ANKMY1: variants seen among roughly 807,000 people sequenced by gnomAD.
ANKMY1 encodes the protein ankyrin repeat and MYND domain-containing protein 1.
ANKMY1 carries 98 observed loss-of-function variants against 102.0 expected under a neutral mutation model. The observed-to-expected ratio is 0.96, with a 90% CI of 0.82 to 1.14. ANKMY1 has a LOEUF of 1.14. Ranked by LOEUF, ANKMY1 falls within the 50% of genes most tolerant of loss-of-function variation. ANKMY1 has a pLI of 0.00. For missense variants in ANKMY1, 1,330 were observed against 1,347.6 expected (o/e 0.99, Z 0.20); for synonymous variants, 582 against 559.9 (o/e 1.04, Z -0.56).
rs532929027 is a variant in ANKMY1, at chr2:240,525,956, G to A, written c.1171-107C>T. 246 of 1,370,110 alleles carry A rather than the reference G, an allele frequency of 1.8e-4. No individual in the cohort carries two copies. In the African/African-American group the frequency reaches 2.8e-3, roughly 16 times the overall value. The allele number at this position is 1,370,110 out of a possible 1,614,324, so 84.9% of individuals were successfully genotyped here. A position where few individuals can be genotyped will look rare whatever the true frequency, so the allele number is the denominator to read the frequency against. On this transcript the variant is annotated intron_variant, in intron 6 of 17. Coordinates refer to ENST00000401804, the MANE Select transcript of ANKMY1 (RefSeq NM_001282771.3). The stretch of plus-strand genomic sequence containing the variant: ...CATGAGGCCACCCTATGGCAGGGCA[G>A]GAACCAGTGCTCATTCGGGAGCTTG...
Position 240,499,020 on chromosome 2 carries a change from G to A in ANKMY1, c.2806+938C>T, listed in dbSNP as rs1049929869. On this transcript the variant is annotated intron_variant, in intron 15 of 17. Transcript: ENST00000401804. The surrounding 1 kb of genome is among the most constrained non-coding windows in gnomAD (Gnocchi z 4.2). ...CCTCTTTTCTAATTACCCAGTCTCA[G>A]GTGTTCCTTTACAGCAACGCAAACG... 6.6e-6 allele frequency among the ~76,000 whole-genome samples: 1 copy of A among 152,188 alleles called. No homozygotes were observed. Among genetic ancestry groups the A allele is most frequent in the Non-Finnish European group, 1.5e-5 (1 of 68,036 alleles).
intron 15 of ANKMY1, among the ~76,000 whole-genome samples, chr2:240,495,127 G>A (rs1309272119): frequency 1.3e-5 from 2 of 152,176 alleles, no homozygotes; most frequent in Non-Finnish European, 2.9e-5. Context: ...GGCCACCAGA[G>A]GGCTCCTTGG....
intron 4 of ANKMY1, among the ~76,000 whole-genome samples, chr2:240,543,701 T>A (rs2089594645): frequency 6.6e-6 from 1 of 152,104 alleles, no homozygotes; most frequent in Non-Finnish European, 1.5e-5. Flanking sequence ...ACATAAATAA[T>A]CTAGATAAAC....
upstream of ANKMY1, chr2:240,560,755 C>T (rs1403023485): frequency 1.3e-6 from 2 of 1,491,242 alleles, no homozygotes; most frequent in South Asian, 1.3e-5. Context: ...CGCGTCGCGC[C>T]CTCACTCTTC....
upstream of ANKMY1, among the ~76,000 whole-genome samples, chr2:240,559,501 G>C (rs1165884157): frequency 6.6e-6 from 1 of 152,210 alleles, no homozygotes; most frequent in Non-Finnish European, 1.5e-5. Context: ...TCACGGGAGT[G>C]TGGCCTTCAC....
chr2:240,490,802 G>T (rs1306420417), intron 15 of ANKMY1, among the ~76,000 whole-genome samples: 1 of 152,144 alleles, frequency 6.6e-6, no homozygotes, highest in East Asian at 1.9e-4. Flanking sequence ...TATATATTCT[G>T]CATTTGTTAG....
At chr2:240,519,896 A>G (rs575724191) in intron 9 of ANKMY1, 5 of 256,970 alleles carry the variant, frequency 1.9e-5, no homozygotes, top group South Asian at 1.9e-4. Context: ...ATATAAAATC[A>G]GATTCCCCTT....
chr2:240,526,433 A>G lies in ANKMY1; in HGVS notation c.966T>C (p.Ala322=). 2 of 1,614,048 alleles carry G rather than the reference A, an allele frequency of 1.2e-6. No homozygotes were observed. The highest frequency in any genetic ancestry group is 1.7e-6 in the Non-Finnish European group (2 of 1,180,020). Reference sequence around the variant, plus strand: ...TGGCGCCCATGTTCCAGCTGGTGTGAGCTGGCTTGTTCCTGGCAACACAAC... The same window carrying G: ...TGGCGCCCATGTTCCAGCTGGTGTGGGCTGGCTTGTTCCTGGCAACACAAC... ...KQTYKFRNKP[A]HTSWNMGAIL... The change falls in exon 6 of 18, where the codon GCT becomes GCC. Residue 322 remains alanine, a synonymous_variant. Transcript: ENST00000401804.
At chr2:240,469,449 C>G in the ANKMY1 span, among the ~76,000 whole-genome samples, 1 of 152,242 alleles carries the variant, frequency 6.6e-6, no homozygotes. Flanking sequence ...CGGTTCCTCA[C>G]AGGAATTCCA....
the ANKMY1 span, among the ~76,000 whole-genome samples, chr2:240,473,972 C>T: frequency 6.6e-6 from 1 of 152,196 alleles, no homozygotes; most frequent in South Asian, 2.1e-4. Context: ...AGGGTGCCCA[C>T]TTTCACCACT....
downstream of ANKMY1, among the ~76,000 whole-genome samples, chr2:240,479,106 G>A (rs995801917): frequency 1.3e-5 from 2 of 152,194 alleles, no homozygotes; most frequent in African/African-American, 2.4e-5. Flanking sequence ...CAGACACTCC[G>A]TAAGTGCACG....
intron 15 of ANKMY1, among the ~76,000 whole-genome samples, chr2:240,489,090 G>A (rs1462001936): frequency 6.6e-6 from 1 of 152,156 alleles, no homozygotes; most frequent in Non-Finnish European, 1.5e-5. Flanking sequence ...TTATGATGAT[G>A]TTAGCTGTGG....
downstream of ANKMY1, among the ~76,000 whole-genome samples, chr2:240,476,225 C>A (rs964981398): frequency 6.6e-6 from 1 of 152,016 alleles, no homozygotes; most frequent in Non-Finnish European, 1.5e-5. Context: ...ACAAGGGGAC[C>A]AAGAATATAC....
intron 15 of ANKMY1, among the ~76,000 whole-genome samples, chr2:240,483,313 C>G (rs1038896309): frequency 1.3e-5 from 2 of 152,154 alleles, no homozygotes; most frequent in African/African-American, 4.8e-5. Flanking sequence ...TGCACCACCA[C>G]ACCCAGCTAA....
rs1269604279 is a variant in ANKMY1, at chr2:240,529,614, A to G, written c.481-105T>C. The G allele has an allele frequency of 8.0e-6, 9 of 1,125,924 alleles. No homozygotes were observed. Among genetic ancestry groups the G allele is most frequent in the Non-Finnish European group, 1.1e-5 (9 of 814,184 alleles). The allele number at this position is 1,125,924 out of a possible 1,614,324, so 69.7% of individuals were successfully genotyped here. On this transcript the variant is annotated intron_variant, in intron 4 of 17. Transcript: ENST00000401804. The surrounding 1 kb of genome is among the most constrained non-coding windows in gnomAD (Gnocchi z 4.2). ...AATCCCAAAAAAGAAAACTTTCCCA[A>G]GAAATGCATGCATTCAGCCAGTAAA...
In ANKMY1 at chr2:240,486,205, C is replaced by T. The variant is rs567259162; in HGVS notation, c.2807-3944G>A. Among the ~76,000 whole-genome samples, 12 of 152,242 alleles carry T rather than the reference C, an allele frequency of 7.9e-5. No homozygotes were observed. The South Asian group carries it at 2.3e-3, about 29-fold the overall frequency. ...AGTTACCACTTGGAGTCATTTCTTA[C>T]CACAACAGAACTTTCCTCCTGCCCA... On this transcript the variant is annotated intron_variant, in intron 15 of 17. Coordinates refer to ENST00000401804, the MANE Select transcript of ANKMY1 (RefSeq NM_001282771.3).
chr2:240,515,461 G>A (rs997540163), intron 9 of ANKMY1, among the ~76,000 whole-genome samples: 7 of 152,054 alleles, frequency 4.6e-5, no homozygotes, highest in African/African-American at 1.2e-4. Flanking sequence ...CTTGAACCCA[G>A]GAGGCGGAGG....
Position 240,557,922 on chromosome 2 carries a change from C to G in ANKMY1, c.-59G>C, listed in dbSNP as rs1309775653. ...AGCTCGCGCCGGACAGCAGGGAGAC[C>G]GACGGGACTGCAGCCACCGCGGACG... On this transcript the variant is annotated 5_prime_UTR_variant, in exon 1 of 18. Transcript: ENST00000401804. The G allele has an allele frequency of 1.0e-6, 1 of 985,470 alleles. No individual in the cohort carries two copies. Among genetic ancestry groups the G allele is most frequent in the East Asian group, 1.1e-4 (1 of 8,810 alleles). The allele number at this position is 985,470 out of a possible 1,614,324, so 61.0% of individuals were successfully genotyped here. A position where few individuals can be genotyped will look rare whatever the true frequency, so the allele number is the denominator to read the frequency against.
Position 240,557,398 on chromosome 2 carries a change from C to G in ANKMY1, c.-17-46G>C. 2.8e-6 allele frequency: 4 copies of G among 1,412,922 alleles called. No individual in the cohort carries two copies. The South Asian group carries it at 4.7e-5, about 17-fold the overall frequency. The allele number at this position is 1,412,922 out of a possible 1,614,324, so 87.5% of individuals were successfully genotyped here. On this transcript the variant is annotated intron_variant, in intron 1 of 17. Transcript: ENST00000401804. ...GCACATGTGCCCCCAGGGCTCCCGC[C>G]GCGAACTCAGAGGGCGCCCGAGGCC...
Sources: allele counts gnomAD v4.1 joint callset (sites outside exome capture counted in the v4.1 genomes callset), GRCh38; gene constraint gnomAD v4.1.1; non-coding constraint Gnocchi (gnomAD v3.1); transcripts MANE v1.5; gene names NCBI Gene and HGNC (gene_info 2026-07-23, HGNC 2026-07-21).